Variants in MYO1D observed in about 807,000 individuals in gnomAD.
MYO1D encodes the protein myosin ID, also known as unconventional myosin-Id.
In MYO1D, 83 loss-of-function variants were observed where a neutral mutation model predicts 122.0. That is an observed-to-expected ratio of 0.68 (90% CI 0.57 to 0.82). MYO1D has a LOEUF of 0.82. MYO1D is among the 40% of genes least tolerant of loss of function. The pLI is 0.00. For synonymous variants in MYO1D, 464 were observed against 446.9 expected, an observed-to-expected ratio of 1.04 and a Z score of -0.48; for missense variants, 1,157 against 1,269.5, an observed-to-expected ratio of 0.91 and a Z score of 1.35.
At chr17:32,685,442 T>G (rs1241915310) in intron 16 of MYO1D, among the ~76,000 whole-genome samples, 1 of 152,238 alleles carries the variant, frequency 6.6e-6, no homozygotes, top group African/African-American at 2.4e-5. Flanking sequence ...TGAGAGGCTA[T>G]CTAGCAGATA....
chr17:32,589,539 G>A (rs973518759), intron 21 of MYO1D, among the ~76,000 whole-genome samples: 1 of 152,156 alleles, frequency 6.6e-6, no homozygotes, highest in Non-Finnish European at 1.5e-5. Context: ...TGTGACAGGG[G>A]AGAGGAAGGT....
intron 16 of MYO1D, among the ~76,000 whole-genome samples, chr17:32,672,135 T>C (rs1276864171): frequency 6.6e-6 from 1 of 152,206 alleles, no homozygotes; most frequent in Non-Finnish European, 1.5e-5. Context: ...ACATGCTATC[T>C]CATTTTAAGT....
intron 20 of MYO1D, among the ~76,000 whole-genome samples, chr17:32,636,707 G>A (rs1044056163): frequency 1.3e-5 from 2 of 152,246 alleles, no homozygotes; most frequent in African/African-American, 4.8e-5. Context: ...AGGAGATGGT[G>A]TGAGACAGCC....
chr17:32,874,944 A>G (rs1488151806), intron 1 of MYO1D, among the ~76,000 whole-genome samples: 1 of 152,148 alleles, frequency 6.6e-6, no homozygotes, highest in Non-Finnish European at 1.5e-5. Context: ...TAAAAACCAC[A>G]AGAGTTTTAA....
chr17:32,749,063 T>C (rs1477853501), intron 11 of MYO1D, 57 bp from the exon 12 acceptor site: 2 of 1,406,568 alleles, frequency 1.4e-6, no homozygotes, highest in African/African-American at 2.8e-5. Context: ...TTCCTAAAAA[T>C]ATATTCCAGC....
intron 20 of MYO1D, among the ~76,000 whole-genome samples, chr17:32,617,161 T>C (rs866690193): frequency 3.0e-4 from 46 of 152,004 alleles, no homozygotes; most frequent in Admixed American, 3.3e-4. Context: ...GCCTGGGCAA[T>C]AGAGTAGACT....
At chr17:32,862,550 T>C (rs1469926284) in intron 1 of MYO1D, among the ~76,000 whole-genome samples, 1 of 152,210 alleles carries the variant, frequency 6.6e-6, no homozygotes, top group Non-Finnish European at 1.5e-5. Flanking sequence ...GTAAAGGAAA[T>C]AAATCAAGGT....
chr17:32,701,759 G>GT (rs2150981041), intron 16 of MYO1D, among the ~76,000 whole-genome samples: 1 of 152,212 alleles, frequency 6.6e-6, no homozygotes, highest in East Asian at 1.9e-4. Context: ...TAGAGATGGG[G>GT]TTTCGCTGTG....
chr17:32,867,257 C>CG (rs1567678505), intron 1 of MYO1D, among the ~76,000 whole-genome samples: 1 of 144,932 alleles, frequency 6.9e-6, no homozygotes, highest in African/African-American at 2.6e-5. Context: ...ACCCAGGAGG[C>CG]GGAAGTTGCA....
intron 1 of MYO1D, among the ~76,000 whole-genome samples, chr17:32,849,694 G>A (rs2090968979): frequency 1.3e-5 from 2 of 151,854 alleles, no homozygotes; most frequent in South Asian, 2.1e-4. Flanking sequence ...GGATAGCATT[G>A]GGAGATATAC....
At chr17:32,553,770 T>G (rs1016036115) in intron 21 of MYO1D, among the ~76,000 whole-genome samples, 1 of 152,172 alleles carries the variant, frequency 6.6e-6, no homozygotes, top group African/African-American at 2.4e-5. Context: ...CATGTTTTTC[T>G]TCTTCTTCTC....
chr17:32,528,048 A>G (rs932856232), intron 21 of MYO1D, among the ~76,000 whole-genome samples: 3 of 152,168 alleles, frequency 2.0e-5, no homozygotes, highest in African/African-American at 7.2e-5. Flanking sequence ...CATGTTGGCC[A>G]GGCTGGTCTC....
At chr17:32,844,360 T>C (rs1228100550) in intron 1 of MYO1D, among the ~76,000 whole-genome samples, 1 of 146,974 alleles carries the variant, frequency 6.8e-6, no homozygotes, top group African/African-American at 2.5e-5. Context: ...TGTGTATATA[T>C]ATTATATATA....
intron 1 of MYO1D, among the ~76,000 whole-genome samples, chr17:32,792,019 A>G (rs17780981): frequency 0.14 from 22,028 of 152,210 alleles, 2,044 homozygotes; most frequent in Middle Eastern, 0.28. Flanking sequence ...GTAAGTAGAT[A>G]GAGAAAAGCC....
At chr17:32,650,355 T>C (rs1464890765) in intron 19 of MYO1D, among the ~76,000 whole-genome samples, 1 of 152,240 alleles carries the variant, frequency 6.6e-6, no homozygotes, top group Admixed American at 6.5e-5. Context: ...GCAATTTAGT[T>C]ACAATTTACC....
intron 1 of MYO1D, among the ~76,000 whole-genome samples, chr17:32,853,932 C>T (rs899805303): frequency 6.6e-6 from 1 of 152,160 alleles, no homozygotes; most frequent in South Asian, 2.1e-4. Context: ...ATTTAAAGTA[C>T]GCACATTTTA....
intron 19 of MYO1D, among the ~76,000 whole-genome samples, chr17:32,644,309 T>C (rs1029195932): frequency 1.3e-5 from 2 of 152,238 alleles, no homozygotes; most frequent in African/African-American, 4.8e-5. Context: ...TCTTTTACAT[T>C]TGTTGAGGAG....
intron 1 of MYO1D, among the ~76,000 whole-genome samples, chr17:32,789,884 C>T (rs1484174376): frequency 1.3e-5 from 2 of 152,150 alleles, no homozygotes; most frequent in Non-Finnish European, 2.9e-5. Flanking sequence ...ATTTGGACTT[C>T]TAGTTTTCTG....
intron 16 of MYO1D, among the ~76,000 whole-genome samples, chr17:32,688,750 C>G (rs1307530548): frequency 6.6e-6 from 1 of 152,156 alleles, no homozygotes; most frequent in African/African-American, 2.4e-5. Context: ...GGAGACACAA[C>G]ACCATAAAAC....
Sources: allele counts gnomAD v4.1 joint callset (sites outside exome capture counted in the v4.1 genomes callset), GRCh38; gene constraint gnomAD v4.1.1; transcripts MANE v1.5; gene names NCBI Gene and HGNC (gene_info 2026-07-23, HGNC 2026-07-21).